Variants in ATF6 observed in about 807,000 individuals in gnomAD.
ATF6 encodes activating transcription factor 6, also known as cyclic AMP-dependent transcription factor ATF-6 alpha.
Under a neutral mutation model 83.6 loss-of-function variants are expected in ATF6, and 53 were observed. That is an observed-to-expected ratio of 0.63 (90% CI 0.51 to 0.80). The LOEUF is 0.80. Ranked by LOEUF, ATF6 falls within the 30% of genes least tolerant of loss-of-function variation. The probability of loss-of-function intolerance (pLI) is 0.00; values close to 1 mark genes in which losing one functional copy is unlikely to be tolerated. For synonymous variants in ATF6, 288 were observed against 285.8 expected, an observed-to-expected ratio of 1.01 and a Z score of -0.08; for missense variants, 744 against 797.9, an observed-to-expected ratio of 0.93 and a Z score of 0.81.
chr1:161,952,814 T>C (rs1210425000), intron 15 of ATF6, among the ~76,000 whole-genome samples: 1 of 152,038 alleles, frequency 6.6e-6, no homozygotes, highest in Non-Finnish European at 1.5e-5. Flanking sequence ...ATATCAGGAG[T>C]GTCTTTGACC....
At chr1:161,946,347 A>G (rs1381920708) in intron 15 of ATF6, among the ~76,000 whole-genome samples, 1 of 152,182 alleles carries the variant, frequency 6.6e-6, no homozygotes, top group East Asian at 1.9e-4. Flanking sequence ...CCTGGGGAAG[A>G]ATTCTCTTTG....
intron 14 of ATF6, among the ~76,000 whole-genome samples, chr1:161,869,258 T>C (rs1687073869): frequency 6.6e-6 from 1 of 152,032 alleles, no homozygotes; most frequent in Admixed American, 6.6e-5. Context: ...ATTTATTTCT[T>C]AGAAATTTAT....
chr1:161,847,168 T>C (rs1686504460), intron 10 of ATF6, among the ~76,000 whole-genome samples: 1 of 152,230 alleles, frequency 6.6e-6, no homozygotes, highest in Non-Finnish European at 1.5e-5. Context: ...TTTATAGTTG[T>C]ATACTTTTTG....
intron 9 of ATF6, among the ~76,000 whole-genome samples, chr1:161,830,552 A>T (rs898131158): frequency 2.2e-4 from 33 of 152,298 alleles, no homozygotes; most frequent in African/African-American, 7.5e-4. Flanking sequence ...AAACTATACT[A>T]CAAGGCTACA....
At chr1:161,895,949 G>C (rs1687667576) in intron 14 of ATF6, among the ~76,000 whole-genome samples, 1 of 152,128 alleles carries the variant, frequency 6.6e-6, no homozygotes, top group Non-Finnish European at 1.5e-5. Flanking sequence ...AAAAATTACT[G>C]ATCTTTGAGA....
intron 1 of ATF6, among the ~76,000 whole-genome samples, chr1:161,770,760 G>A (rs1346213803): frequency 6.6e-6 from 1 of 152,120 alleles, no homozygotes; most frequent in Non-Finnish European, 1.5e-5. Context: ...CCAACTTTTG[G>A]CAATTATATA....
intron 15 of ATF6, among the ~76,000 whole-genome samples, chr1:161,948,850 A>G (rs1221872716): frequency 1.3e-5 from 2 of 152,244 alleles, no homozygotes; most frequent in Non-Finnish European, 2.9e-5. Flanking sequence ...TGAAGGAAGT[A>G]AACACTTGAA....
At chr1:161,949,664 A>C (rs1428444881) in intron 15 of ATF6, among the ~76,000 whole-genome samples, 3 of 152,226 alleles carry the variant, frequency 2.0e-5, no homozygotes, top group Admixed American at 2.0e-4. Flanking sequence ...CTGTGTGTGC[A>C]GAAATCACAT....
intron 14 of ATF6, among the ~76,000 whole-genome samples, chr1:161,868,358 AACT>A (rs1687054408): frequency 6.6e-6 from 1 of 152,168 alleles, no homozygotes; most frequent in South Asian, 2.1e-4. Context: ...GAGCTTCATA[AACT>A]ACTATACCAC....
rs1225678036 is a variant in ATF6, at chr1:161,929,455, T to C, written c.1804+17075T>C. The stretch of plus-strand genomic sequence containing the variant: ...CTTTCCAGAAGAGTCTCCTTTGCAG[T>C]CTGGAGCTGGTGCATCTGTGTGGCA... On this transcript the variant is annotated intron_variant, in intron 15 of 15. Coordinates refer to ENST00000367942, the MANE Select transcript of ATF6 (RefSeq NM_007348.4). 2.0e-5 allele frequency among the ~76,000 whole-genome samples: 3 copies of C among 152,102 alleles called. No homozygotes were observed. The South Asian group carries it at 6.2e-4, about 32-fold the overall frequency.
chr1:161,863,358 C>T (rs1686926271), intron 14 of ATF6, 46 bp downstream of exon 14: 3 of 1,251,824 alleles, frequency 2.4e-6, no homozygotes, highest in East Asian at 4.6e-5. Context: ...TGAGTGCTTG[C>T]CGTACACAAG....
At chr1:161,943,664 T>C (rs1347058822) in intron 15 of ATF6, among the ~76,000 whole-genome samples, 2 of 152,012 alleles carry the variant, frequency 1.3e-5, no homozygotes, top group African/African-American at 4.8e-5. Flanking sequence ...TGTAATGCCC[T>C]CTCCCCAGAC....
intron 7 of ATF6, among the ~76,000 whole-genome samples, chr1:161,808,578 A>AT (rs1463604367): frequency 6.6e-6 from 1 of 151,628 alleles, no homozygotes; most frequent in African/African-American, 2.4e-5. Flanking sequence ...TTATTTATTT[A>AT]TTTATTTTTT....
chr1:161,819,848 A>T, intron 8 of ATF6, 30 bp downstream of exon 8: 1 of 1,568,944 alleles, frequency 6.4e-7, no homozygotes. Context: ...CTGAGTCGAG[A>T]TGGGCTAAAG....
intron 9 of ATF6, among the ~76,000 whole-genome samples, chr1:161,830,528 T>C (rs528525323): frequency 0.027 from 4,157 of 152,198 alleles, 85 homozygotes; most frequent in Middle Eastern, 0.048. Flanking sequence ...GGAGGCATCA[T>C]GCTACCTGAC....
intron 7 of ATF6, among the ~76,000 whole-genome samples, chr1:161,809,888 G>T (rs1685412505): frequency 6.6e-6 from 1 of 152,068 alleles, no homozygotes; most frequent in South Asian, 2.1e-4. Context: ...TGATGGGGTT[G>T]TTTTTTTCTT....
chr1:161,947,824 T>A (rs1450975384), intron 15 of ATF6, among the ~76,000 whole-genome samples: 1 of 127,118 alleles, frequency 7.9e-6, no homozygotes, highest in Non-Finnish European at 1.6e-5. Context: ...TTTTTTTTTT[T>A]TTTTTTTTTT....
intron 6 of ATF6, among the ~76,000 whole-genome samples, chr1:161,796,505 A>T (rs908893932): frequency 6.6e-6 from 1 of 152,240 alleles, no homozygotes; most frequent in Non-Finnish European, 1.5e-5. Context: ...TTTGCAAAGC[A>T]TCTGCAAATC....
intron 7 of ATF6, among the ~76,000 whole-genome samples, chr1:161,814,311 G>A (rs1685555434): frequency 6.6e-6 from 1 of 152,214 alleles, no homozygotes; most frequent in African/African-American, 2.4e-5. Context: ...TCAAGAGGCT[G>A]TGCCCATGGT....
Sources: gnomAD v4.1 joint callset for allele counts (sites outside exome capture counted in the v4.1 genomes callset) on GRCh38, gnomAD v4.1.1 for gene constraint, MANE v1.5 for transcripts, NCBI Gene and HGNC (gene_info 2026-07-23, HGNC 2026-07-21) for gene names.